The following ZBTB7C variants were observed in gnomAD, a reference collection of about 807,000 sequenced individuals.
ZBTB7C encodes the protein zinc finger and BTB domain containing 7C.
In ZBTB7C, 8 loss-of-function variants were observed where a neutral mutation model predicts 25.7. The observed-to-expected ratio is 0.31, with a 90% CI of 0.18 to 0.56. ZBTB7C has a LOEUF of 0.56. Among genes scored for constraint, ZBTB7C ranks in the 20% least tolerant of loss-of-function variants. The pLI is 0.91. For synonymous variants in ZBTB7C, 394 were observed against 369.0 expected (o/e 1.07, Z -0.78); for missense variants, 824 against 855.2 (o/e 0.96, Z 0.46).
intron 2 of ZBTB7C, among the ~76,000 whole-genome samples, chr18:48,258,936 T>G (rs1250902433): frequency 1.3e-5 from 2 of 151,746 alleles, no homozygotes; most frequent in Admixed American, 1.3e-4. Context: ...GGATTACAGG[T>G]GTGAGCCACT....
rs138372806 is a variant in ZBTB7C, at chr18:48,048,625, A to G, written c.-16-7502T>C. On this transcript the variant is annotated intron_variant, in intron 3 of 4. Coordinates refer to ENST00000590800, the MANE Select transcript of ZBTB7C (RefSeq NM_001318841.2). ...ACAAATTGCCTCCTGATATGTAGTC[A>G]GTGCTCAACCAATGCTAGCAATTGT... Among the ~76,000 whole-genome samples the G allele has an allele frequency of 1.1e-4, 16 of 152,340 alleles. 1 individual carries two copies. Among genetic ancestry groups the G allele is most frequent in the Admixed American group, 2.6e-4 (4 of 15,312 alleles).
chr18:48,151,889 G>C (rs776421106), intron 3 of ZBTB7C, among the ~76,000 whole-genome samples: 1 of 152,058 alleles, frequency 6.6e-6, no homozygotes, highest in Non-Finnish European at 1.5e-5. Context: ...TTCCATACTC[G>C]CACTGTAGGT....
At chr18:48,360,187 C>G (rs146331980) in intron 1 of ZBTB7C, among the ~76,000 whole-genome samples, 2 of 152,336 alleles carry the variant, frequency 1.3e-5, no homozygotes, top group African/African-American at 4.8e-5. Flanking sequence ...CAATATGACA[C>G]TAAATGGACC....
intron 3 of ZBTB7C, among the ~76,000 whole-genome samples, chr18:48,136,154 G>C (rs1246991561): frequency 6.6e-6 from 1 of 152,182 alleles, no homozygotes; most frequent in Non-Finnish European, 1.5e-5. Flanking sequence ...CAGCCCCGCG[G>C]CCGCTGCGCC....
At chr18:48,391,210 G>C (rs7227657) in intron 1 of ZBTB7C, among the ~76,000 whole-genome samples, 2 of 152,242 alleles carry the variant, frequency 1.3e-5, no homozygotes, top group Non-Finnish European at 2.9e-5. Flanking sequence ...AGCCAGCCAA[G>C]TGAAGGGACA....
chr18:48,179,214 A>C (rs1430114512), intron 3 of ZBTB7C, among the ~76,000 whole-genome samples: 1 of 152,232 alleles, frequency 6.6e-6, no homozygotes, highest in Non-Finnish European at 1.5e-5. Flanking sequence ...TGGGGCCCTA[A>C]GTAAACAGAG....
intron 3 of ZBTB7C, among the ~76,000 whole-genome samples, chr18:48,142,908 G>T (rs182982102): frequency 1.2e-4 from 17 of 146,214 alleles, no homozygotes; most frequent in African/African-American, 4.5e-4. Flanking sequence ...TCCCTTCACA[G>T]GTATGTACTA....
intron 3 of ZBTB7C, among the ~76,000 whole-genome samples, chr18:48,127,411 T>G (rs2039838532): frequency 1.3e-5 from 2 of 152,238 alleles, no homozygotes; most frequent in Non-Finnish European, 2.9e-5. Context: ...TACAGAATCT[T>G]GCTTCATTTT....
At chr18:48,104,541 T>TTGTATGTA (rs59450489) in intron 3 of ZBTB7C, among the ~76,000 whole-genome samples, 50 of 151,724 alleles carry the variant, frequency 3.3e-4, no homozygotes, top group Non-Finnish European at 6.0e-4. Flanking sequence ...CTCAGTAAAG[T>TTGTATGTA]TGTATGTATG....
At chr18:48,147,072 A>G (rs4258692) in intron 3 of ZBTB7C, among the ~76,000 whole-genome samples, 2 of 151,998 alleles carry the variant, frequency 1.3e-5, no homozygotes, top group African/African-American at 4.8e-5. Context: ...AGTAATTTTT[A>G]TTTTTATTAA....
chr18:48,337,009 C>A (rs1468985049), intron 2 of ZBTB7C, among the ~76,000 whole-genome samples: 1 of 152,186 alleles, frequency 6.6e-6, no homozygotes, highest in African/African-American at 2.4e-5. Context: ...AGACAGGAGT[C>A]CAGTTCCGAG....
intron 2 of ZBTB7C, among the ~76,000 whole-genome samples, chr18:48,189,376 T>C (rs913820923): frequency 4.6e-5 from 7 of 152,132 alleles, no homozygotes; most frequent in African/African-American, 1.4e-4. Flanking sequence ...ATTTTTTTTC[T>C]TGGAATGTAC....
intron 3 of ZBTB7C, among the ~76,000 whole-genome samples, chr18:48,113,591 C>G (rs1254388633): frequency 6.6e-6 from 1 of 152,222 alleles, no homozygotes; most frequent in Non-Finnish European, 1.5e-5. Flanking sequence ...TCATTCCACT[C>G]CAAGTCCAGG....
At position 48,311,649 on chromosome 18, in the gene ZBTB7C, T is replaced by C. The variant is rs540107174; in HGVS notation, c.-79+26525A>G. ...TAATATGGCTATTCAGTGGCTGGGA[T>C]GGGACTCACACTAAGATACATCTGA... On this transcript the variant is annotated intron_variant, in intron 2 of 4. Coordinates refer to ENST00000590800, the MANE Select transcript of ZBTB7C (RefSeq NM_001318841.2). Among the ~76,000 whole-genome samples, 10 of 152,248 alleles carry C rather than the reference T, an allele frequency of 6.6e-5. No individual in the cohort carries two copies. The South Asian group carries it at 2.1e-3, about 32-fold the overall frequency.
In ZBTB7C at chr18:48,029,620, G is replaced by A. The variant is rs1031624933; in HGVS notation, c.1500C>T (p.Pro500=). 4 of 1,494,264 alleles carry A rather than the reference G, an allele frequency of 2.7e-6. No individual in the cohort carries two copies. The highest frequency in any genetic ancestry group is 2.5e-5 in the East Asian group (1 of 40,348). The allele number at this position is 1,494,264 out of a possible 1,614,324, so 92.6% of individuals were successfully genotyped here. A position where few individuals can be genotyped will look rare whatever the true frequency, so the allele number is the denominator to read the frequency against. Reference sequence around the variant, plus strand: ...GGGGCATCACGAAGGCCGCCTTGTCGGGGGCCGGGCCGCCGGGCCCGAAGA... The same window carrying A: ...GGGGCATCACGAAGGCCGCCTTGTCAGGGGCCGGGCCGCCGGGCCCGAAGA... The part of the protein sequence containing the change: ...SLLFGPGGPA[P]DKAAFVMPPA... Residue 500 remains proline (P), a synonymous_variant, in exon 5 of 5, where the codon CCC becomes CCT. Coordinates refer to ENST00000590800, the MANE Select transcript of ZBTB7C (RefSeq NM_001318841.2).
chr18:48,277,692 GGCTTCACAGTCAC>G (rs1171023125), intron 2 of ZBTB7C, among the ~76,000 whole-genome samples: 2 of 152,180 alleles, frequency 1.3e-5, no homozygotes, highest in African/African-American at 2.4e-5. Context: ...GGGTTCAGCC[GGCTTCACAGTCAC>G]GCTGGAGGCT....
At chr18:48,335,674 C>T (rs1598897087) in intron 2 of ZBTB7C, among the ~76,000 whole-genome samples, 1 of 152,212 alleles carries the variant, frequency 6.6e-6, no homozygotes, top group Admixed American at 6.5e-5. Flanking sequence ...CTATCCAACA[C>T]AGTTGCCACT....
intron 3 of ZBTB7C, among the ~76,000 whole-genome samples, chr18:48,069,559 T>A (rs1224087814): frequency 6.6e-6 from 1 of 152,152 alleles, no homozygotes; most frequent in Non-Finnish European, 1.5e-5. Context: ...AAGACACCTG[T>A]GCTTTGTGGT....
At chr18:48,303,463 T>C (rs2045592263) in intron 2 of ZBTB7C, among the ~76,000 whole-genome samples, 1 of 152,202 alleles carries the variant, frequency 6.6e-6, no homozygotes, top group Non-Finnish European at 1.5e-5. Flanking sequence ...GCCTCCCAAC[T>C]TGTGAGCAGG....
Sources: allele counts gnomAD v4.1 joint callset (sites outside exome capture counted in the v4.1 genomes callset), GRCh38; gene constraint gnomAD v4.1.1; transcripts MANE v1.5; gene names NCBI Gene and HGNC (gene_info 2026-07-23, HGNC 2026-07-21).